Variants in TBC1D5 observed in about 807,000 individuals in gnomAD.
The protein encoded by TBC1D5 is TBC1 domain family member 5.
TBC1D5 carries 75 observed loss-of-function variants against 100.3 expected under a neutral mutation model. The observed-to-expected ratio is 0.75, with a 90% confidence interval of 0.62 to 0.91. The LOEUF (loss-of-function observed/expected upper bound fraction) is 0.91, where lower values mean the gene tolerates loss of function less well. Among genes scored for constraint, TBC1D5 ranks in the 40% least tolerant of loss-of-function variants. The pLI is 0.00. For missense variants in TBC1D5, 910 were observed against 942.4 expected, an observed-to-expected ratio of 0.97 and a Z score of 0.45; for synonymous variants, 323 against 325.6, an observed-to-expected ratio of 0.99 and a Z score of 0.09.
At chr3:17,265,527 T>C (rs1173877042) in intron 15 of TBC1D5, among the ~76,000 whole-genome samples, 1 of 152,154 alleles carries the variant, frequency 6.6e-6, no homozygotes, top group Non-Finnish European at 1.5e-5. Flanking sequence ...ATTGCCTCAA[T>C]GCTGGGGGGA....
chr3:17,170,307 T>G (rs1288497374), intron 19 of TBC1D5, among the ~76,000 whole-genome samples: 1 of 152,158 alleles, frequency 6.6e-6, no homozygotes, highest in East Asian at 1.9e-4. Context: ...GCAAGGGAAC[T>G]GCTCCCAGGC....
At chr3:17,288,760 A>T (rs373447554) in intron 15 of TBC1D5, among the ~76,000 whole-genome samples, 3 of 152,056 alleles carry the variant, frequency 2.0e-5, no homozygotes, top group African/African-American at 7.2e-5. Flanking sequence ...TCACCCTTCA[A>T]TTGTCAGCAT....
At chr3:17,459,953 C>T (rs745791936) in intron 3 of TBC1D5, among the ~76,000 whole-genome samples, 7 of 152,154 alleles carry the variant, frequency 4.6e-5, no homozygotes, top group Non-Finnish European at 8.8e-5. Flanking sequence ...CATTTAATGA[C>T]AGGAGTATAC....
intron 2 of TBC1D5, among the ~76,000 whole-genome samples, chr3:17,594,116 G>A (rs1286076979): frequency 1.3e-5 from 2 of 152,224 alleles, no homozygotes; most frequent in Non-Finnish European, 2.9e-5. Context: ...TAAATTGGAA[G>A]TTAAGATTGC....
intron 19 of TBC1D5, among the ~76,000 whole-genome samples, chr3:17,180,916 C>CA (rs76797012): frequency 0.2 from 19,333 of 95,988 alleles, 1,313 homozygotes; most frequent in East Asian, 0.28. Flanking sequence ...ACATTTACAC[C>CA]AAAAAAAAAA....
In TBC1D5 at chr3:17,344,667, T is replaced by C. The variant is rs575946211; in HGVS notation, c.995+27408A>G. Among the ~76,000 whole-genome samples the C allele has an allele frequency of 8.2e-4, 125 of 152,252 alleles. 2 individuals are homozygous for C. The East Asian group carries it at 0.012, about 15-fold the overall frequency. ...CATCATGCTACCTGACTTCAAACTA[T>C]ACTACAAGGCTACAGTAACCAAAGC... On this transcript the variant is annotated intron_variant, in intron 13 of 21. Coordinates refer to ENST00000253692, the Ensembl canonical transcript of TBC1D5.
At chr3:17,185,044 A>G (rs1001573591) in intron 19 of TBC1D5, 65 bp downstream of exon 20, 4 of 1,432,902 alleles carry the variant, frequency 2.8e-6, no homozygotes, top group East Asian at 2.3e-5. Context: ...CCTAGAACAA[A>G]GTATTGCTAG....
chr3:17,608,453 T>C (rs1004137005), intron 2 of TBC1D5, among the ~76,000 whole-genome samples: 1 of 152,230 alleles, frequency 6.6e-6, no homozygotes. Flanking sequence ...ATAGGCACTT[T>C]AGTAAGATAA....
At chr3:17,464,540 A>G (rs1265017691) in intron 3 of TBC1D5, among the ~76,000 whole-genome samples, 2 of 152,056 alleles carry the variant, frequency 1.3e-5, no homozygotes, top group East Asian at 3.9e-4. Context: ...TCGTGTTTCA[A>G]CAGAAACTGG....
chr3:17,263,215 C>T (rs561529950), intron 15 of TBC1D5, among the ~76,000 whole-genome samples: 1 of 151,148 alleles, frequency 6.6e-6, no homozygotes, highest in East Asian at 1.9e-4. Flanking sequence ...AAAGGTAAGA[C>T]AGCCGAGTAT....
intron 1 of TBC1D5, among the ~76,000 whole-genome samples, chr3:17,637,892 G>A (rs1385730627): frequency 6.6e-6 from 1 of 152,058 alleles, no homozygotes; most frequent in African/African-American, 2.4e-5. Flanking sequence ...GAAAAGACAA[G>A]TGCACAAAAA....
At chr3:17,397,027 T>C (rs2093525681) in intron 8 of TBC1D5, among the ~76,000 whole-genome samples, 2 of 152,162 alleles carry the variant, frequency 1.3e-5, no homozygotes, top group South Asian at 4.1e-4. Context: ...CATTATCAGC[T>C]ATAGCTACTG....
At chr3:17,607,164 T>C (rs2061379156) in intron 2 of TBC1D5, among the ~76,000 whole-genome samples, 1 of 152,094 alleles carries the variant, frequency 6.6e-6, no homozygotes, top group South Asian at 2.1e-4. Context: ...TTGTTAAACC[T>C]TCATTATGTA....
intron 1 of TBC1D5, among the ~76,000 whole-genome samples, chr3:17,661,504 CTTTT>C (rs34017083): frequency 1.5e-4 from 20 of 133,382 alleles, no homozygotes; most frequent in Middle Eastern, 3.5e-3. Flanking sequence ...TCATTAGCAT[CTTTT>C]TTTTTTTTTT....
chr3:17,725,804 A>G (rs2153975365), intron 1 of TBC1D5, among the ~76,000 whole-genome samples: 1 of 152,240 alleles, frequency 6.6e-6, no homozygotes, highest in East Asian at 1.9e-4. Flanking sequence ...AGATTATTTC[A>G]TCACCTAGGC....
chr3:17,545,461 C>A lies in TBC1D5; in HGVS notation c.-35-36856G>T, dbSNP rs77929885. On this transcript the variant is annotated intron_variant, in intron 2 of 21. Transcript: ENST00000253692. ...CTAAGTTTGTGGTACCGTGTTACGA[C>A]AGTCCTAGCAAACCAATACAGAACC... 7.0e-4 allele frequency among the ~76,000 whole-genome samples: 107 copies of A among 152,324 alleles called. 2 individuals carry two copies. In the East Asian group the frequency reaches 0.019, roughly 27 times the overall value.
intron 13 of TBC1D5, among the ~76,000 whole-genome samples, chr3:17,325,760 G>C (rs924024852): frequency 6.6e-6 from 1 of 152,180 alleles, no homozygotes; most frequent in Admixed American, 6.5e-5. Flanking sequence ...GGGATTGAGG[G>C]AATGACTACA....
At chr3:17,437,538 G>C (rs2094557031) in intron 3 of TBC1D5, among the ~76,000 whole-genome samples, 1 of 151,206 alleles carries the variant, frequency 6.6e-6, no homozygotes, top group African/African-American at 2.4e-5. Flanking sequence ...AAATCACCTG[G>C]GAACAGGTAT....
intron 17 of TBC1D5, 127 bp from the exon 18 acceptor site, chr3:17,233,877 G>A (rs1045558512): frequency 1.6e-5 from 8 of 509,898 alleles, no homozygotes; most frequent in Non-Finnish European, 2.8e-5. Context: ...AGAAAATAAT[G>A]CACAAGCTTA....
Sources: allele counts gnomAD v4.1 joint callset (sites outside exome capture counted in the v4.1 genomes callset), GRCh38; gene constraint gnomAD v4.1.1; transcripts MANE v1.5; gene names NCBI Gene and HGNC (gene_info 2026-07-23, HGNC 2026-07-21).